Variants in USP13 observed in about 807,000 individuals in gnomAD.
USP13 encodes the protein ubiquitin carboxyl-terminal hydrolase 13.
A neutral mutation model predicts 107.8 loss-of-function variants in USP13; 68 were observed. The ratio of observed to expected loss-of-function variants is 0.63; its 90% CI spans 0.52 to 0.77. The LOEUF (loss-of-function observed/expected upper bound fraction) is 0.77, where lower values mean the gene tolerates loss of function less well. Ranked by LOEUF, USP13 falls within the 30% of genes least tolerant of loss-of-function variation. USP13 has a pLI of 0.00. For missense variants in USP13, 945 were observed against 1,093.3 expected, an observed-to-expected ratio of 0.86 and a Z score of 1.91; for synonymous variants, 377 against 389.5, an observed-to-expected ratio of 0.97 and a Z score of 0.38.
chr3:179,709,158 T>A (rs1712834314), intron 6 of USP13, among the ~76,000 whole-genome samples: 1 of 152,218 alleles, frequency 6.6e-6, no homozygotes, highest in African/African-American at 2.4e-5. Context: ...ATCTTGAGGA[T>A]AACGATGATG....
intron 16 of USP13, among the ~76,000 whole-genome samples, chr3:179,759,495 A>G (rs73885935): frequency 0.011 from 1,622 of 152,324 alleles, 33 homozygotes; most frequent in African/African-American, 0.038. Context: ...TAGACTATGT[A>G]GGTTTAAAAA....
intron 5 of USP13, among the ~76,000 whole-genome samples, chr3:179,708,227 G>A (rs921026163): frequency 2.6e-5 from 4 of 152,162 alleles, no homozygotes; most frequent in Admixed American, 1.3e-4. Flanking sequence ...AAGCCACTTG[G>A]AGATGCTGGG....
chr3:179,696,000 C>T (rs1712310063), intron 3 of USP13, among the ~76,000 whole-genome samples: 1 of 152,128 alleles, frequency 6.6e-6, no homozygotes, highest in Non-Finnish European at 1.5e-5. Context: ...TGTAGTTTTA[C>T]TATTAGGTTA....
In USP13 at chr3:179,784,030, CT is replaced by C. The variant is rs780751111; in HGVS notation, c.2499-16del. ...GGAACTGACTTAAATCCATCAAATG[CT>C]TCTGTCTTATTTTCAGATGGGTGAT... On this transcript the variant is annotated splice_polypyrimidine_tract_variant and intron_variant, in intron 20 of 20. Transcript: ENST00000263966. The C allele has an allele frequency of 6.3e-7, 1 of 1,597,930 alleles. No individual in the cohort carries two copies. The highest frequency in any genetic ancestry group is 8.5e-7 in the Non-Finnish European group (1 of 1,173,234).
intron 17 of USP13, among the ~76,000 whole-genome samples, chr3:179,761,498 C>T (rs974588054): frequency 9.9e-5 from 15 of 151,858 alleles, no homozygotes; most frequent in Non-Finnish European, 7.4e-5. Flanking sequence ...CCAAGGCAGG[C>T]GGATCACGAA....
chr3:179,728,470 C>T (rs1313586816), intron 8 of USP13, among the ~76,000 whole-genome samples: 51 of 150,234 alleles, frequency 3.4e-4, no homozygotes, highest in Admixed American at 2.3e-3. Flanking sequence ...GGATGGCGGC[C>T]GGGCAGAGAC....
At chr3:179,669,415 C>T (rs560528953) in intron 1 of USP13, among the ~76,000 whole-genome samples, 61 of 151,836 alleles carry the variant, frequency 4.0e-4, no homozygotes, top group Non-Finnish European at 7.1e-4. Context: ...GCTGAGATTG[C>T]GCCACTGGAC....
chr3:179,709,520 T>A (rs1297166470), intron 6 of USP13, among the ~76,000 whole-genome samples: 2 of 152,238 alleles, frequency 1.3e-5, no homozygotes, highest in Non-Finnish European at 2.9e-5. Flanking sequence ...GTTTCCTTCT[T>A]GCACTGTCAG....
intron 4 of USP13, among the ~76,000 whole-genome samples, chr3:179,706,398 A>C (rs887268394): frequency 6.6e-6 from 1 of 152,146 alleles, no homozygotes; most frequent in East Asian, 1.9e-4. Context: ...ATGTGGACTA[A>C]TCTGGCACAG....
intron 1 of USP13, among the ~76,000 whole-genome samples, chr3:179,676,890 G>A (rs1053304793): frequency 2.6e-5 from 4 of 151,826 alleles, no homozygotes; most frequent in Non-Finnish European, 4.4e-5. Flanking sequence ...TTTTTTCCTC[G>A]CTCTATTGCG....
intron 10 of USP13, among the ~76,000 whole-genome samples, chr3:179,732,988 T>C (rs1440426229): frequency 2.0e-5 from 3 of 152,140 alleles, no homozygotes; most frequent in Non-Finnish European, 4.4e-5. Flanking sequence ...AAATCTAAAT[T>C]TCCATCTTCT....
At chr3:179,708,133 G>C (rs1182300325) in intron 5 of USP13, among the ~76,000 whole-genome samples, 1 of 152,106 alleles carries the variant, frequency 6.6e-6, no homozygotes, top group African/African-American at 2.4e-5. Context: ...ACTTGTTCAA[G>C]CTCCATTGTC....
Position 179,745,103 on chromosome 3 carries a change from C to G in USP13, c.1595C>G (p.Pro532Arg). 1 of 1,614,158 alleles carries G rather than the reference C, an allele frequency of 6.2e-7. No individual in the cohort carries two copies. Among genetic ancestry groups the G allele is most frequent in the Non-Finnish European group, 8.5e-7 (1 of 1,180,044 alleles). Residue 532 changes from proline to arginine, a missense_variant, in exon 13 of 21, where the codon CCT (proline) becomes CGT (arginine). By Grantham distance (103) the Pro-to-Arg change is moderately radical (BLOSUM62 -2). Transcript: ENST00000263966. The stretch of plus-strand genomic sequence containing the variant: ...GCAGAAGCAAACAGAAGACCCCTTC[C>G]TGAGTTGGTACGTGCCAAGATACCA... ...REAEANRRPLPELVRAKIPFS... is the reference protein window; with the variant it reads ...REAEANRRPLRELVRAKIPFS...
At chr3:179,719,546 G>A (rs1213202514) in intron 6 of USP13, among the ~76,000 whole-genome samples, 2 of 152,150 alleles carry the variant, frequency 1.3e-5, no homozygotes, top group African/African-American at 4.8e-5. Context: ...CCCTGCCGTG[G>A]CGGATGGCCG....
intron 1 of USP13, among the ~76,000 whole-genome samples, chr3:179,681,080 G>C (rs997082822): frequency 1.3e-5 from 2 of 152,114 alleles, no homozygotes; most frequent in Non-Finnish European, 2.9e-5. Flanking sequence ...AGCCTCTGAG[G>C]TGAGAACCTC....
In USP13 at chr3:179,705,308, AT is replaced by A. The variant is rs150237218; in HGVS notation, c.478-1623del. Among the ~76,000 whole-genome samples, 1,382 of 152,214 alleles carry A rather than the reference AT, an allele frequency of 9.1e-3. 53 individuals carry two copies. In the East Asian group the frequency reaches 0.12, roughly 13 times the overall value. On this transcript the variant is annotated intron_variant, in intron 4 of 20. Transcript: ENST00000263966. ...TACAAATTTTGTTATTTATTTATTT[AT>A]TTATTTACAGTTTAGTGGAGTTTAT...
At chr3:179,733,308 T>G (rs1713870182) in intron 10 of USP13, among the ~76,000 whole-genome samples, 1 of 152,210 alleles carries the variant, frequency 6.6e-6, no homozygotes, top group Non-Finnish European at 1.5e-5. Context: ...AAGTCGGTCT[T>G]TGGTCCAGCA....
chr3:179,759,524 C>T (rs1191620613), intron 16 of USP13, among the ~76,000 whole-genome samples: 1 of 152,168 alleles, frequency 6.6e-6, no homozygotes, highest in Non-Finnish European at 1.5e-5. Flanking sequence ...ATCACAGAAA[C>T]TCCGTTTTTG....
In USP13 at chr3:179,742,236, C is replaced by T. The variant is rs867861663; in HGVS notation, c.1420C>T (p.Arg474Cys). The part of the protein sequence containing the change: ...IGSENPSDVF[R>C]FLVEERIQCC... Reference sequence around the variant, plus strand: ...CTCAGAAAACCCAAGCGATGTTTTTCGTTTTTTGGTGGAAGAACGCATTCA... The same window carrying T: ...CTCAGAAAACCCAAGCGATGTTTTTTGTTTTTTGGTGGAAGAACGCATTCA... The change falls in exon 12 of 21, where the codon CGT (arginine) becomes TGT (cysteine). Residue 474 changes from arginine to cysteine, a missense_variant. Physicochemically the swap from Arg to Cys is radical, Grantham distance 180. Transcript: ENST00000263966. This position sits in a 1 kb window ranked among gnomAD's most constrained non-coding sequence, Gnocchi z 5.0. 2 of 1,614,204 alleles carry T rather than the reference C, an allele frequency of 1.2e-6. No homozygotes were observed. Among genetic ancestry groups the T allele is most frequent in the Non-Finnish European group, 1.7e-6 (2 of 1,180,040 alleles).
Sources: gnomAD v4.1 joint callset for allele counts (sites outside exome capture counted in the v4.1 genomes callset) on GRCh38, gnomAD v4.1.1 for gene constraint, Gnocchi (gnomAD v3.1) non-coding constraint, MANE v1.5 for transcripts, NCBI Gene and HGNC (gene_info 2026-07-23, HGNC 2026-07-21) for gene names.